Variants in MED17 observed in about 807,000 individuals in gnomAD.
The protein encoded by MED17 is mediator of RNA polymerase II transcription subunit 17.
MED17 carries 49 observed loss-of-function variants against 80.8 expected under a neutral mutation model. The observed-to-expected ratio is 0.61, with a 90% CI of 0.48 to 0.77. MED17 has a LOEUF of 0.77. Among genes scored for constraint, MED17 ranks in the 30% least tolerant of loss-of-function variants. The probability of loss-of-function intolerance (pLI) is 0.00; values close to 1 mark genes in which losing one functional copy is unlikely to be tolerated. For missense variants in MED17, 718 were observed against 787.0 expected (o/e 0.91, Z 1.05); for synonymous variants, 281 against 280.4 (o/e 1.00, Z -0.02).
rs923056786 is a variant in MED17, at chr11:93,798,321, T to C, written c.1328+602T>C. On this transcript the variant is annotated intron_variant, in intron 8 of 11. Transcript: ENST00000251871. Reference sequence around the variant, plus strand: ...ATAACGTGGCATGATTACATATAAATGTATCTTTTTCAGTGCTAAAGGGTG... The same window carrying C: ...ATAACGTGGCATGATTACATATAAACGTATCTTTTTCAGTGCTAAAGGGTG... 2.6e-5 allele frequency among the ~76,000 whole-genome samples: 4 copies of C among 152,198 alleles called. No homozygotes were observed. The South Asian group carries it at 8.3e-4, about 31-fold the overall frequency.
intron 9 of MED17, among the ~76,000 whole-genome samples, chr11:93,802,614 T>TA (rs1329256626): frequency 6.6e-6 from 1 of 152,222 alleles, no homozygotes; most frequent in Non-Finnish European, 1.5e-5. Flanking sequence ...AGTTCTTGCC[T>TA]AATGGTTATG....
chr11:93,787,625 G>T, intron 1 of MED17, among the ~76,000 whole-genome samples: 1 of 152,068 alleles, frequency 6.6e-6, no homozygotes, highest in East Asian at 1.9e-4. Flanking sequence ...ATAGTGGCTG[G>T]CTTACAGGTC....
At position 93,790,586 on chromosome 11, in the gene MED17, T is replaced by C. The variant is rs1943824159; in HGVS notation, c.430T>C (p.Leu144=). 6.2e-7 allele frequency: 1 copy of C among 1,613,988 alleles called. No homozygotes were observed. The highest frequency in any genetic ancestry group is 1.1e-5 in the South Asian group (1 of 91,056). Residue 144 remains leucine, a synonymous_variant, in exon 3 of 12, where the codon TTG becomes CTG. Coordinates refer to ENST00000251871, the MANE Select transcript of MED17 (RefSeq NM_004268.5). ...ALPPKQNPQT[L]QLISKKKSLA... is the part of the protein sequence containing the mutation. ...TTGTTTTTGACAGAATCCTCAGACG[T>C]TGCAATTGATATCTAAAAAGAAGTC...
chr11:93,812,148 T>C lies in MED17; in HGVS notation c.*84T>C, dbSNP rs1944091490. 8.4e-7 allele frequency: 1 copy of C among 1,185,476 alleles called. No homozygotes were observed. Among genetic ancestry groups the C allele is most frequent in the Admixed American group, 1.7e-5 (1 of 58,016 alleles). 73.4% of individuals were successfully genotyped at this position (1,185,476 alleles called of 1,614,324 possible). A position where few individuals can be genotyped will look rare whatever the true frequency, so the allele number is the denominator to read the frequency against. ...ATCAACTATAAGCACAAAGAAGAGA[T>C]AACTTCCAAAAGAGTGCTGTTTTTA... On this transcript the variant is annotated 3_prime_UTR_variant, in exon 12 of 12. Coordinates refer to ENST00000251871, the MANE Select transcript of MED17 (RefSeq NM_004268.5).
At chr11:93,799,692 C>T (rs2135716700) in intron 8 of MED17, among the ~76,000 whole-genome samples, 1 of 152,320 alleles carries the variant, frequency 6.6e-6, no homozygotes, top group Non-Finnish European at 1.5e-5. Flanking sequence ...TGGAGGATTG[C>T]ATGAGCCTGG....
intron 10 of MED17, 70 bp from the exon 11 acceptor site, chr11:93,809,647 A>G (rs1944065890): frequency 1.3e-6 from 2 of 1,547,880 alleles, no homozygotes; most frequent in South Asian, 1.1e-5. Flanking sequence ...AGTTTACTTC[A>G]TGGTCGTGAT....
chr11:93,800,126 T>TA (rs950737851), intron 8 of MED17, among the ~76,000 whole-genome samples: 3 of 152,112 alleles, frequency 2.0e-5, no homozygotes, highest in African/African-American at 7.2e-5. Context: ...CACACATACT[T>TA]ACCTTCTATA....
chr11:93,789,328 C>CAA (rs932311518), intron 2 of MED17: 2 of 152,176 alleles, frequency 1.3e-5, no homozygotes, highest in Admixed American at 6.5e-5. Context: ...AAGTTGCTGT[C>CAA]AAGCCAGTAG....
rs1031595002 is a variant in MED17, at chr11:93,812,342, A to G, written c.*278A>G. The G allele has an allele frequency of 1.2e-5, 6 of 518,622 alleles. No individual in the cohort carries two copies. Among genetic ancestry groups the G allele is most frequent in the Non-Finnish European group, 1.0e-5 (3 of 297,602 alleles). The allele number at this position is 518,622 out of a possible 1,614,324, so 32.1% of individuals were successfully genotyped here. A position where few individuals can be genotyped will look rare whatever the true frequency, so the allele number is the denominator to read the frequency against. ...AAATATTACTAACTTAAGGGTTTCT[A>G]TGTGCTTTTTAAAATATTCCTTCTT... On this transcript the variant is annotated 3_prime_UTR_variant, in exon 12 of 12. Coordinates refer to ENST00000251871, the MANE Select transcript of MED17 (RefSeq NM_004268.5).
At chr11:93,786,803 A>G (rs1021128307) in intron 1 of MED17, among the ~76,000 whole-genome samples, 1 of 152,134 alleles carries the variant, frequency 6.6e-6, no homozygotes, top group African/African-American at 2.4e-5. Flanking sequence ...TTGATTCACT[A>G]TTACCACGAC....
rs1943885002 is a variant in MED17, at chr11:93,795,018, C to A, written c.970C>A (p.His324Asn). The change falls in exon 6 of 12, where the codon CAC (histidine) becomes AAC (asparagine). Residue 324 changes from histidine (H) to asparagine (N), a missense_variant. Physicochemically the swap from His to Asn is moderately conservative, Grantham distance 68 (BLOSUM62 1). Transcript: ENST00000251871. ...TGTTCAAATTAAATCACAAGTCCCT[C>A]ACATTGTGGTGAAAAACCAGATTAT... is the stretch of plus-strand genomic sequence containing the variant. The part of the protein sequence containing the change: ...EAVQIKSQVP[H>N]IVVKNQIISQ... 1 of 1,614,040 alleles carries A rather than the reference C, an allele frequency of 6.2e-7. No individual in the cohort carries two copies.
At chr11:93,795,251 AC>A in intron 6 of MED17, 191 bp downstream of exon 6, 1 of 686,960 alleles carries the variant, frequency 1.5e-6, no homozygotes, top group Non-Finnish European at 2.5e-6. Context: ...AAATAGTGTG[AC>A]CCTTGGATTT....
At chr11:93,793,917 TTTG>T (rs767279067) in intron 4 of MED17, 31 bp from the exon 5 acceptor site, 26 of 1,612,220 alleles carry the variant, frequency 1.6e-5, no homozygotes, top group Admixed American at 3.3e-5. Flanking sequence ...CTGAAGTTAA[TTTG>T]TTAACTTTTT....
intron 10 of MED17, chr11:93,808,998 G>A (rs577517889): frequency 6.5e-6 from 1 of 154,264 alleles, no homozygotes; most frequent in Admixed American, 6.4e-5. Flanking sequence ...GACTCAGGAG[G>A]ATCTAAAGAT....
intron 6 of MED17, 183 bp downstream of exon 6, chr11:93,795,243 A>G (rs1169457815): frequency 1.2e-5 from 9 of 722,048 alleles, no homozygotes; most frequent in Non-Finnish European, 1.9e-5. Flanking sequence ...TCTGTCCTAA[A>G]TAGTGTGACC....
At chr11:93,795,205 G>A in intron 6 of MED17, 145 bp downstream of exon 6, 1 of 906,954 alleles carries the variant, frequency 1.1e-6, no homozygotes, top group Non-Finnish European at 1.8e-6. Flanking sequence ...AGTAAAGCAT[G>A]TAACACAAAC....
chr11:93,807,593 G>C lies in MED17; in HGVS notation c.1542G>C (p.Leu514=). ...VVHRDGRVIT[L]SYQEQELQDF... is the part of the protein sequence containing the mutation. The stretch of plus-strand genomic sequence containing the variant: ...ATAGAGATGGAAGAGTAATTACACT[G>C]TCTTATCAGGAGCAGGAGCTACAGG... The change falls in exon 10 of 12, where the codon CTG becomes CTC. Residue 514 remains leucine, a synonymous_variant. Coordinates refer to ENST00000251871, the MANE Select transcript of MED17 (RefSeq NM_004268.5). 6.2e-7 allele frequency: 1 copy of C among 1,613,208 alleles called. No individual in the cohort carries two copies. Among genetic ancestry groups the C allele is most frequent in the Non-Finnish European group, 8.5e-7 (1 of 1,179,242 alleles).
Position 93,784,309 on chromosome 11 carries a change from A to C in MED17, c.-205A>C, listed in dbSNP as rs111997396. 65 of 653,822 alleles carry C rather than the reference A, an allele frequency of 9.9e-5. No homozygotes were observed. The East Asian group carries it at 1.4e-3, about 14-fold the overall frequency. The allele number at this position is 653,822 out of a possible 1,614,324, so 40.5% of individuals were successfully genotyped here. On this transcript the variant is annotated 5_prime_UTR_variant, in exon 1 of 12. Coordinates refer to ENST00000251871, the MANE Select transcript of MED17 (RefSeq NM_004268.5). ...TTTTGCTCCGAAAGACTTACCGAGGAGGGAGCTTGCGGTGCGTTCTGGGAA... is the reference window on the plus strand; with the variant it reads ...TTTTGCTCCGAAAGACTTACCGAGGCGGGAGCTTGCGGTGCGTTCTGGGAA...
At chr11:93,811,194 T>C (rs1944082552) in intron 11 of MED17, 2 of 152,244 alleles carry the variant, frequency 1.3e-5, no homozygotes, top group South Asian at 4.1e-4. Flanking sequence ...AATTTCAAAA[T>C]ACCCTTTTCC....
Sources: gnomAD v4.1 joint callset for allele counts (sites outside exome capture counted in the v4.1 genomes callset) on GRCh38, gnomAD v4.1.1 for gene constraint, MANE v1.5 for transcripts, NCBI Gene and HGNC (gene_info 2026-07-23, HGNC 2026-07-21) for gene names.